ITPK1: variants seen among roughly 807,000 people sequenced by gnomAD.
The protein encoded by ITPK1 is inositol-tetrakisphosphate 1-kinase, also known as inositol 1,3,4-trisphosphate 5/6-kinase.
Under a neutral mutation model 45.3 loss-of-function variants are expected in ITPK1, and 21 were observed. The observed-to-expected ratio is 0.46, with a 90% CI of 0.33 to 0.67. ITPK1 has a LOEUF of 0.67. Among genes scored for constraint, ITPK1 ranks in the 30% least tolerant of loss-of-function variants. The pLI, the probability that ITPK1 is intolerant of heterozygous loss-of-function variation, is 0.02. For missense variants in ITPK1, 474 were observed against 573.5 expected, an observed-to-expected ratio of 0.83 and a Z score of 1.77; for synonymous variants, 258 against 253.6, an observed-to-expected ratio of 1.02 and a Z score of -0.16.
In ITPK1 at chr14:93,032,855, G is replaced by A. The variant is rs1251419394; in HGVS notation, c.121-16054C>T. The stretch of plus-strand genomic sequence containing the variant: ...TGAGCAGCTGCTCAGGGAATCGGGT[G>A]ACAAAGGCCAGCACGGATCGGATCG... On this transcript the variant is annotated intron_variant, in intron 3 of 10. Coordinates refer to ENST00000267615, the MANE Select transcript of ITPK1 (RefSeq NM_014216.6). The surrounding 1 kb of genome is among the most constrained non-coding windows in gnomAD (Gnocchi z 4.0). Among the ~76,000 whole-genome samples, 1 of 152,230 alleles carries A rather than the reference G, an allele frequency of 6.6e-6. No homozygotes were observed. The highest frequency in any genetic ancestry group is 6.5e-5 in the Admixed American group (1 of 15,290).
At chr14:92,948,171 G>A (rs1030803623) in intron 9 of ITPK1, among the ~76,000 whole-genome samples, 13 of 152,058 alleles carry the variant, frequency 8.5e-5, no homozygotes, top group Non-Finnish European at 4.4e-5. Flanking sequence ...CGAGCTCAGC[G>A]GCTGCCAATA....
chr14:93,077,205 G>A (rs550075505), intron 2 of ITPK1, among the ~76,000 whole-genome samples: 1 of 152,116 alleles, frequency 6.6e-6, no homozygotes, highest in Non-Finnish European at 1.5e-5. Flanking sequence ...GCAGTCCCAC[G>A]GCCACCACGT....
intron 3 of ITPK1, among the ~76,000 whole-genome samples, chr14:93,065,957 A>T (rs1408491653): frequency 6.6e-6 from 1 of 152,208 alleles, no homozygotes; most frequent in East Asian, 1.9e-4. Context: ...GAAAAGCCTA[A>T]CCTGAATGCA....
chr14:93,081,511 C>T (rs1891432837), intron 2 of ITPK1, among the ~76,000 whole-genome samples: 1 of 152,102 alleles, frequency 6.6e-6, no homozygotes, highest in Non-Finnish European at 1.5e-5. Flanking sequence ...AGGGATGATC[C>T]GCTTTGCACA....
chr14:93,061,503 G>T lies in ITPK1; in HGVS notation c.120+15092C>A, dbSNP rs144285947. The stretch of plus-strand genomic sequence containing the variant: ...CAGAGAGAGTGGGTCTGGGGCAGGA[G>T]TGAGAAAGGAGGGGAGGGAGGGCAC... On this transcript the variant is annotated intron_variant, in intron 3 of 10. Coordinates refer to ENST00000267615, the MANE Select transcript of ITPK1 (RefSeq NM_014216.6). 1.8e-3 allele frequency among the ~76,000 whole-genome samples: 272 copies of T among 152,344 alleles called. 1 individual carries two copies. The highest frequency in any genetic ancestry group is 6.3e-3 in the African/African-American group (263 of 41,576).
At chr14:92,943,288 C>T (rs1887523315) in intron 10 of ITPK1, among the ~76,000 whole-genome samples, 1 of 152,220 alleles carries the variant, frequency 6.6e-6, no homozygotes, top group Admixed American at 6.5e-5. Flanking sequence ...GTAGCAGCCA[C>T]TGGGCTGTGA....
chr14:93,088,361 A>T (rs1891736698), intron 2 of ITPK1, among the ~76,000 whole-genome samples: 1 of 113,456 alleles, frequency 8.8e-6, no homozygotes. Flanking sequence ...TTTTTTTGAG[A>T]CAGGGTCTCC....
chr14:93,065,455 G>A (rs1363113120), intron 3 of ITPK1, among the ~76,000 whole-genome samples: 1 of 152,188 alleles, frequency 6.6e-6, no homozygotes, highest in Non-Finnish European at 1.5e-5. Flanking sequence ...CAGGTTCTGT[G>A]CTGTTCCTTA....
At chr14:93,058,457 C>T (rs1270169291) in intron 3 of ITPK1, among the ~76,000 whole-genome samples, 6 of 24,190 alleles carry the variant, frequency 2.5e-4, no homozygotes, top group Admixed American at 4.8e-4. Context: ...GGGTGCGGGT[C>T]ACGAGGCGGG....
intron 5 of ITPK1, among the ~76,000 whole-genome samples, chr14:92,973,569 C>T (rs1339628788): frequency 6.6e-6 from 1 of 152,180 alleles, no homozygotes; most frequent in Non-Finnish European, 1.5e-5. Flanking sequence ...AGTTAAGGGG[C>T]GGGAGTCACA....
intron 3 of ITPK1, among the ~76,000 whole-genome samples, chr14:93,059,250 G>A (rs1444886363): frequency 4.5e-5 from 3 of 67,294 alleles, no homozygotes; most frequent in African/African-American, 6.7e-5. Context: ...GTCTCGAGGC[G>A]GGGATGGGTG....
At chr14:93,062,491 T>A (rs1890568887) in intron 3 of ITPK1, among the ~76,000 whole-genome samples, 1 of 152,202 alleles carries the variant, frequency 6.6e-6, no homozygotes, top group African/African-American at 2.4e-5. Context: ...GCCATTTTTA[T>A]GCTCAAAGGA....
At chr14:93,081,504 G>A (rs937028584) in intron 2 of ITPK1, among the ~76,000 whole-genome samples, 6 of 152,194 alleles carry the variant, frequency 3.9e-5, no homozygotes, top group Non-Finnish European at 7.3e-5. Flanking sequence ...TTAACAAAGG[G>A]ATGATCCGCT....
intron 10 of ITPK1, among the ~76,000 whole-genome samples, chr14:92,942,520 T>G (rs539851431): frequency 2.8e-4 from 43 of 152,308 alleles, no homozygotes; most frequent in Non-Finnish European, 5.4e-4. Context: ...GTCTGCTTCC[T>G]TCTCACCACA....
intron 9 of ITPK1, among the ~76,000 whole-genome samples, chr14:92,947,899 C>T (rs1289917280): frequency 2.6e-5 from 4 of 152,336 alleles, no homozygotes; most frequent in Non-Finnish European, 4.4e-5. Context: ...TGTACTCAAA[C>T]GGATGCTGTC....
At position 93,012,018 on chromosome 14, in the gene ITPK1, T is replaced by C. The variant is rs563284739; in HGVS notation, c.246+4658A>G. 6.6e-6 allele frequency among the ~76,000 whole-genome samples: 1 copy of C among 152,150 alleles called. No homozygotes were observed. The highest frequency in any genetic ancestry group is 1.9e-4 in the East Asian group (1 of 5,146). On this transcript the variant is annotated intron_variant, in intron 4 of 10. Transcript: ENST00000267615. The surrounding 1 kb of genome is among the most constrained non-coding windows in gnomAD (Gnocchi z 4.9). ...CACATGCCCATCAGGCAGCGCCATC[T>C]GCCTCATTAACGCTCCTGGCCTCCT...
At chr14:92,963,000 G>A in intron 5 of ITPK1, 151 bp from the exon 6 acceptor site, 1 of 567,478 alleles carries the variant, frequency 1.8e-6, no homozygotes, top group Non-Finnish European at 3.1e-6. Flanking sequence ...ATGTGCTCGT[G>A]TGTGTGAACA....
At position 92,946,503 on chromosome 14, in the gene ITPK1, T is replaced by A; in HGVS notation, c.739-10A>T. On this transcript the variant is annotated splice_polypyrimidine_tract_variant and intron_variant, in intron 9 of 10. Coordinates refer to ENST00000267615, the MANE Select transcript of ITPK1 (RefSeq NM_014216.6). ...CCTCGATCTTGTCCAGCTGCCAACATACACAAGGAAGTCAGGCCATGGGCC... is the reference window on the plus strand; with the variant it reads ...CCTCGATCTTGTCCAGCTGCCAACAAACACAAGGAAGTCAGGCCATGGGCC... 1.2e-6 allele frequency: 2 copies of A among 1,611,616 alleles called. No individual in the cohort carries two copies. The highest frequency in any genetic ancestry group is 8.5e-7 in the Non-Finnish European group (1 of 1,179,630).
chr14:93,004,479 T>C (rs1595128780), intron 4 of ITPK1, among the ~76,000 whole-genome samples: 1 of 152,270 alleles, frequency 6.6e-6, no homozygotes, highest in Admixed American at 6.5e-5. Flanking sequence ...GCCTGAGGCC[T>C]CCCAGACAGT....
Sources: allele counts gnomAD v4.1 joint callset (sites outside exome capture counted in the v4.1 genomes callset), GRCh38; gene constraint gnomAD v4.1.1; non-coding constraint Gnocchi (gnomAD v3.1); transcripts MANE v1.5; gene names NCBI Gene and HGNC (gene_info 2026-07-23, HGNC 2026-07-21).